Variants in THNSL1 observed in about 807,000 individuals in gnomAD.
THNSL1 encodes threonine synthase-like 1.
Under a neutral mutation model 50.4 loss-of-function variants are expected in THNSL1, and 48 were observed. That is an observed-to-expected ratio of 0.95 (90% CI 0.76 to 1.21). THNSL1 has a LOEUF of 1.21. Among genes scored for constraint, THNSL1 ranks in the 50% most tolerant of loss-of-function variants. The pLI is 0.00. For missense variants in THNSL1, 896 were observed against 871.7 expected (o/e 1.03, Z -0.35); for synonymous variants, 309 against 306.1 (o/e 1.01, Z -0.10).
chr10:24,990,667 G>C, the THNSL1 span: 1 of 1,483,148 alleles, frequency 6.7e-7, no homozygotes. Context: ...TTACATATGG[G>C]TACGTATCAA....
the THNSL1 span, chr10:24,984,537 T>C: frequency 6.2e-6 from 7 of 1,136,674 alleles, no homozygotes; most frequent in African/African-American, 7.9e-5. Flanking sequence ...GTGGAAAACG[T>C]GACACTAGTA....
the THNSL1 span, among the ~76,000 whole-genome samples, chr10:24,988,336 GTA>G: frequency 2.2e-3 from 307 of 139,810 alleles, 3 homozygotes; most frequent in South Asian, 7.0e-3. Flanking sequence ...TTATATATGT[GTA>G]TATATATATT....
the THNSL1 span, among the ~76,000 whole-genome samples, chr10:25,005,028 T>C: frequency 6.6e-6 from 1 of 152,152 alleles, no homozygotes; most frequent in East Asian, 1.9e-4. Context: ...GTCCTTCCCA[T>C]TGCTTGTGTT....
the THNSL1 span, among the ~76,000 whole-genome samples, chr10:24,986,717 A>C: frequency 1.3e-5 from 2 of 152,220 alleles, no homozygotes; most frequent in Non-Finnish European, 2.9e-5. Context: ...AGTGTGTACA[A>C]TAACGTTTGG....
the THNSL1 span, chr10:24,952,631 G>A: frequency 7.9e-7 from 1 of 1,269,876 alleles, no homozygotes; most frequent in South Asian, 1.3e-5. This position sits in a 1 kb window ranked among gnomAD's most constrained non-coding sequence, Gnocchi z 5.1. Context: ...CAGGGAGGGC[G>A]AAGGCTGCGT....
the THNSL1 span, among the ~76,000 whole-genome samples, chr10:24,966,369 C>T: frequency 6.6e-6 from 1 of 152,324 alleles, no homozygotes; most frequent in Non-Finnish European, 1.5e-5. Context: ...ACTTTGAAAG[C>T]AGCACCAACT....
the THNSL1 span, among the ~76,000 whole-genome samples, chr10:24,958,415 T>C: frequency 1.3e-5 from 2 of 152,210 alleles, no homozygotes; most frequent in African/African-American, 4.8e-5. Flanking sequence ...CAAGACATTT[T>C]TTCTGCAAGT....
chr10:25,022,551 TA>T (rs1320611825), intron 2 of THNSL1, among the ~76,000 whole-genome samples: 1 of 152,230 alleles, frequency 6.6e-6, no homozygotes, highest in African/African-American at 2.4e-5. Context: ...AAAAGGCACA[TA>T]AGAAAGAAAA....
At chr10:25,015,796 G>T, upstream of THNSL1, 8 of 1,405,934 alleles carry the variant, frequency 5.7e-6, no homozygotes, top group South Asian at 1.5e-5. Flanking sequence ...GTATATGTAT[G>T]CTTAATTAAT....
Position 25,023,477 on chromosome 10 carries a change from A to G in THNSL1, c.254A>G (p.Asp85Gly). ...IGQKLGCCVI[D>G]VDDDILEKTW... is the part of the protein sequence containing the mutation. Reference sequence around the variant, plus strand: ...CAGAAACTAGGTTGTTGTGTCATAGATGTGGATGATGATATCCTTGAAAAA... The same window carrying G: ...CAGAAACTAGGTTGTTGTGTCATAGGTGTGGATGATGATATCCTTGAAAAA... The change falls in exon 3 of 3, where the codon GAT (aspartate) becomes GGT (glycine). Residue 85 changes from aspartate (D) to glycine (G), a missense_variant. Coordinates refer to ENST00000376356, the MANE Select transcript of THNSL1 (RefSeq NM_024838.5). 1 of 1,614,138 alleles carries G rather than the reference A, an allele frequency of 6.2e-7. No individual in the cohort carries two copies. Among genetic ancestry groups the G allele is most frequent in the Non-Finnish European group, 8.5e-7 (1 of 1,180,006 alleles).
chr10:24,973,964 G>A, the THNSL1 span, among the ~76,000 whole-genome samples: 1 of 152,096 alleles, frequency 6.6e-6, no homozygotes, highest in African/African-American at 2.4e-5. Flanking sequence ...ATTTTCGCCA[G>A]GCTGGACTCA....
chr10:25,012,343 A>G (rs1210331559), upstream of THNSL1, among the ~76,000 whole-genome samples: 2 of 152,232 alleles, frequency 1.3e-5, no homozygotes. Flanking sequence ...CTGTGAGAAG[A>G]GGGCCACTGT....
the THNSL1 span, among the ~76,000 whole-genome samples, chr10:24,993,244 A>C: frequency 1.3e-5 from 2 of 152,232 alleles, no homozygotes; most frequent in African/African-American, 4.8e-5. Flanking sequence ...TATGGGCTGA[A>C]TCACCGGAGG....
chr10:24,968,782 T>C, the THNSL1 span, among the ~76,000 whole-genome samples: 1 of 152,250 alleles, frequency 6.6e-6, no homozygotes, highest in African/African-American at 2.4e-5. Context: ...TGTATGTTAC[T>C]CAAGGCTCTG....
chr10:24,954,280 A>G, the THNSL1 span, among the ~76,000 whole-genome samples: 1 of 152,148 alleles, frequency 6.6e-6, no homozygotes, highest in Non-Finnish European at 1.5e-5. Flanking sequence ...GGAAGCACCT[A>G]GAATCCTGTA....
At chr10:24,958,359 C>G in the THNSL1 span, among the ~76,000 whole-genome samples, 1 of 152,044 alleles carries the variant, frequency 6.6e-6, no homozygotes, top group South Asian at 2.1e-4. Context: ...TCCATAGTGC[C>G]GAACAAAACT....
At chr10:25,022,161 G>A (rs1056771694) in intron 2 of THNSL1, among the ~76,000 whole-genome samples, 3 of 152,102 alleles carry the variant, frequency 2.0e-5, no homozygotes, top group African/African-American at 2.4e-5. Flanking sequence ...TGCATTTTAC[G>A]TAACTAAAAA....
intron 1 of THNSL1, among the ~76,000 whole-genome samples, chr10:25,018,669 T>G (rs373246383): frequency 1.6e-4 from 24 of 150,698 alleles, no homozygotes; most frequent in African/African-American, 3.2e-4. Context: ...GTTTTTTTTT[T>G]TTTTTTTTTT....
the THNSL1 span, chr10:24,984,380 C>CATA: frequency 4.0e-6 from 5 of 1,237,202 alleles, no homozygotes; most frequent in Non-Finnish European, 5.2e-6. Flanking sequence ...TCATGCGCTG[C>CATA]AGAAAAAAAA....
Sources: gnomAD v4.1 joint callset for allele counts (sites outside exome capture counted in the v4.1 genomes callset) on GRCh38, gnomAD v4.1.1 for gene constraint, Gnocchi (gnomAD v3.1) non-coding constraint, MANE v1.5 for transcripts, NCBI Gene and HGNC (gene_info 2026-07-23, HGNC 2026-07-21) for gene names.